FAM107B: variants seen among roughly 807,000 people sequenced by gnomAD.
FAM107B encodes the protein protein FAM107B.
A neutral mutation model predicts 31.5 loss-of-function variants in FAM107B; 21 were observed. The observed-to-expected ratio is 0.67, with a 90% CI of 0.47 to 0.96. The LOEUF (loss-of-function observed/expected upper bound fraction) is 0.96. Ranked by LOEUF, FAM107B falls within the 40% of genes least tolerant of loss-of-function variation. The probability of loss-of-function intolerance (pLI) is 0.00; values close to 1 mark genes in which losing one functional copy is unlikely to be tolerated. For missense variants in FAM107B, 452 were observed against 377.1 expected (o/e 1.20, Z -1.64); for synonymous variants, 157 against 141.5 (o/e 1.11, Z -0.78).
At chr10:14,654,769 C>G (rs1042744113) in intron 2 of FAM107B, among the ~76,000 whole-genome samples, 12 of 152,140 alleles carry the variant, frequency 7.9e-5, no homozygotes, top group Middle Eastern at 3.2e-3. Context: ...TTGCGATAGT[C>G]AACTTCAAGG....
At chr10:14,752,262 T>C (rs751899731) in intron 1 of FAM107B, among the ~76,000 whole-genome samples, 2 of 152,200 alleles carry the variant, frequency 1.3e-5, no homozygotes, top group African/African-American at 2.4e-5. Flanking sequence ...ACTTGAGGGC[T>C]TCTCCCCTTT....
chr10:14,533,623 G>A (rs567476324), intron 2 of FAM107B, among the ~76,000 whole-genome samples: 1 of 152,176 alleles, frequency 6.6e-6, no homozygotes, highest in Non-Finnish European at 1.5e-5. Flanking sequence ...CCTCTGTCCC[G>A]CACTCCCACT....
chr10:14,748,596 T>C (rs1832770970), intron 1 of FAM107B, among the ~76,000 whole-genome samples: 1 of 152,164 alleles, frequency 6.6e-6, no homozygotes, highest in Non-Finnish European at 1.5e-5. Context: ...CTAAGCAAAT[T>C]TGCATTCTTG....
At chr10:14,764,948 G>C (rs1284848999) in intron 1 of FAM107B, among the ~76,000 whole-genome samples, 3 of 152,200 alleles carry the variant, frequency 2.0e-5, no homozygotes, top group African/African-American at 7.2e-5. Flanking sequence ...GGCACTCTAG[G>C]CCACTGCCGA....
At chr10:14,625,915 T>C (rs1171644048) in intron 2 of FAM107B, among the ~76,000 whole-genome samples, 1 of 147,042 alleles carries the variant, frequency 6.8e-6, no homozygotes, top group Non-Finnish European at 1.5e-5. Flanking sequence ...TAATCAAGGC[T>C]TAAAAGGAGA....
intron 1 of FAM107B, among the ~76,000 whole-genome samples, chr10:14,740,600 C>A (rs951698818): frequency 6.6e-6 from 1 of 152,074 alleles, no homozygotes; most frequent in South Asian, 2.1e-4. Flanking sequence ...CGTATATGGG[C>A]TTTAGTTAAT....
intron 2 of FAM107B, among the ~76,000 whole-genome samples, chr10:14,581,907 CA>C (rs1851648738): frequency 6.6e-6 from 1 of 151,874 alleles, no homozygotes; most frequent in Non-Finnish European, 1.5e-5. Context: ...GACCATGTCT[CA>C]AAAAAATAAA....
chr10:14,723,540 A>G, intron 1 of FAM107B: 2 of 639,098 alleles, frequency 3.1e-6, no homozygotes, highest in Admixed American at 2.0e-5. Context: ...ACCACATCAA[A>G]CCCACTGTGT....
chr10:14,559,482 AGAG>A (rs1415881787), intron 2 of FAM107B, among the ~76,000 whole-genome samples: 1 of 150,762 alleles, frequency 6.6e-6, no homozygotes, highest in Non-Finnish European at 1.5e-5. Context: ...AAAAAAAAAA[AGAG>A]GAGGCAACTG....
At chr10:14,549,285 G>A (rs575398690) in intron 2 of FAM107B, among the ~76,000 whole-genome samples, 9 of 152,342 alleles carry the variant, frequency 5.9e-5, no homozygotes, top group African/African-American at 2.2e-4. Flanking sequence ...AGGGGCTTGC[G>A]AGGCCCCTCA....
chr10:14,771,639 CAAAT>C (rs111702640), intron 1 of FAM107B, among the ~76,000 whole-genome samples: 7,620 of 152,024 alleles, frequency 0.05, 624 homozygotes, highest in African/African-American at 0.18. Context: ...AATTAAAAAA[CAAAT>C]AATAATTATA....
intron 1 of FAM107B, among the ~76,000 whole-genome samples, chr10:14,714,529 A>T (rs1467263095): frequency 1.3e-5 from 2 of 152,240 alleles, no homozygotes; most frequent in African/African-American, 2.4e-5. Flanking sequence ...ACCTCAGTAG[A>T]CAGCAGGCCC....
At chr10:14,714,272 G>A (rs1053337885) in intron 1 of FAM107B, among the ~76,000 whole-genome samples, 1 of 152,164 alleles carries the variant, frequency 6.6e-6, no homozygotes. Flanking sequence ...GCTGGTAGGA[G>A]GGGGCTGGGT....
chr10:14,659,993 A>G (rs1242630455), intron 2 of FAM107B, among the ~76,000 whole-genome samples: 3 of 152,232 alleles, frequency 2.0e-5, no homozygotes, highest in Admixed American at 6.5e-5. Context: ...TCTACAAACC[A>G]CAGGAAATGA....
intron 1 of FAM107B, among the ~76,000 whole-genome samples, chr10:14,735,024 A>T (rs1204614382): frequency 4.6e-5 from 7 of 152,216 alleles, no homozygotes; most frequent in Non-Finnish European, 1.0e-4. Context: ...CCACACTTGC[A>T]GGTGTCCAGC....
chr10:14,562,307 ATGCACC>A (rs1850312213), intron 2 of FAM107B, among the ~76,000 whole-genome samples: 1 of 152,220 alleles, frequency 6.6e-6, no homozygotes, highest in African/African-American at 2.4e-5. Context: ...TCAAAGGGTG[ATGCACC>A]TTCCTAAACA....
intron 2 of FAM107B, among the ~76,000 whole-genome samples, chr10:14,618,748 A>T (rs1852916740): frequency 6.6e-6 from 1 of 152,154 alleles, no homozygotes; most frequent in Admixed American, 6.5e-5. Context: ...GAGGCAGGAG[A>T]GTCGCTTGAA....
At chr10:14,603,387 A>T (rs1442723516) in intron 2 of FAM107B, among the ~76,000 whole-genome samples, 1 of 152,212 alleles carries the variant, frequency 6.6e-6, no homozygotes, top group African/African-American at 2.4e-5. Flanking sequence ...GACCCCTCAA[A>T]ATCGCACCCA....
At chr10:14,524,116 A>T (rs1235750836) in intron 3 of FAM107B, among the ~76,000 whole-genome samples, 1 of 149,486 alleles carries the variant, frequency 6.7e-6, no homozygotes, top group Non-Finnish European at 1.5e-5. Flanking sequence ...ATCTCGGCTC[A>T]CTGCAACTTC....
Sources: allele counts gnomAD v4.1 joint callset (sites outside exome capture counted in the v4.1 genomes callset), GRCh38; gene constraint gnomAD v4.1.1; transcripts MANE v1.5; gene names NCBI Gene and HGNC (gene_info 2026-07-23, HGNC 2026-07-21).